Variants in PRKCE observed in about 807,000 individuals in gnomAD.
PRKCE encodes the protein protein kinase C epsilon.
In PRKCE, 16 loss-of-function variants were observed where a neutral mutation model predicts 85.4. That is an observed-to-expected ratio of 0.19 (90% confidence interval 0.13 to 0.28). PRKCE has a LOEUF of 0.28. Among genes scored for constraint, PRKCE ranks in the 10% least tolerant of loss-of-function variants. The pLI, the probability that PRKCE is intolerant of heterozygous loss-of-function variation, is 1.00. For synonymous variants in PRKCE, 388 were observed against 371.5 expected (o/e 1.04, Z -0.51); for missense variants, 573 against 975.2 (o/e 0.59, Z 5.49).
intron 11 of PRKCE, among the ~76,000 whole-genome samples, chr2:46,117,592 C>G (rs148317684): frequency 2.6e-5 from 4 of 152,152 alleles, no homozygotes; most frequent in Non-Finnish European, 5.9e-5. Context: ...GTCAGACACT[C>G]CTGGGATGGG....
intron 10 of PRKCE, among the ~76,000 whole-genome samples, chr2:46,023,654 C>G (rs1053520339): frequency 1.3e-5 from 2 of 152,182 alleles, no homozygotes; most frequent in African/African-American, 4.8e-5. Flanking sequence ...GGCCCTTTGT[C>G]TCCTTCCTGT....
intron 2 of PRKCE, among the ~76,000 whole-genome samples, chr2:45,896,216 A>G (rs1292163036): frequency 2.6e-5 from 4 of 152,136 alleles, no homozygotes; most frequent in African/African-American, 9.7e-5. Flanking sequence ...AAGGGAAGAA[A>G]TTTGAAAGGC....
At chr2:46,027,723 C>T (rs1040722794) in intron 10 of PRKCE, among the ~76,000 whole-genome samples, 3 of 152,224 alleles carry the variant, frequency 2.0e-5, no homozygotes, top group East Asian at 1.9e-4. Flanking sequence ...ACTAAAGTTT[C>T]GATTTTCCTG....
At chr2:45,825,311 G>A (rs1401802959) in intron 1 of PRKCE, among the ~76,000 whole-genome samples, 1 of 152,228 alleles carries the variant, frequency 6.6e-6, no homozygotes, top group Non-Finnish European at 1.5e-5. Context: ...AACAGGCCTG[G>A]GACTTGGGGG....
At chr2:46,109,243 T>G (rs1672025787) in intron 11 of PRKCE, among the ~76,000 whole-genome samples, 2 of 152,170 alleles carry the variant, frequency 1.3e-5, no homozygotes, top group South Asian at 4.1e-4. Context: ...TTCCTGGGAT[T>G]TGGATGGGTA....
intron 1 of PRKCE, among the ~76,000 whole-genome samples, chr2:45,700,208 A>G (rs1037972900): frequency 2.0e-5 from 3 of 151,664 alleles, no homozygotes; most frequent in African/African-American, 7.3e-5. Flanking sequence ...GTGAGAACAC[A>G]CCTGGGAGCA....
At chr2:46,171,203 G>T (rs995200416) in intron 14 of PRKCE, among the ~76,000 whole-genome samples, 6 of 152,298 alleles carry the variant, frequency 3.9e-5, no homozygotes, top group Middle Eastern at 3.4e-3. Context: ...GCAAGCCAGG[G>T]CAGGCAGGGT....
At chr2:45,733,354 G>A (rs1177832268) in intron 1 of PRKCE, among the ~76,000 whole-genome samples, 1 of 152,186 alleles carries the variant, frequency 6.6e-6, no homozygotes, top group Non-Finnish European at 1.5e-5. Flanking sequence ...CATGATTCGA[G>A]GAGCTTGGGA....
intron 14 of PRKCE, among the ~76,000 whole-genome samples, chr2:46,169,934 T>C (rs574279577): frequency 3.7e-4 from 56 of 152,216 alleles, no homozygotes; most frequent in Non-Finnish European, 6.5e-4. Flanking sequence ...TTACTGTCTG[T>C]GAGATGCTGA....
chr2:46,156,405 C>T (rs1177092839), intron 13 of PRKCE, among the ~76,000 whole-genome samples: 2 of 152,230 alleles, frequency 1.3e-5, no homozygotes, highest in African/African-American at 4.8e-5. Flanking sequence ...GATTCTCTGG[C>T]AGTTACGTGT....
intron 1 of PRKCE, among the ~76,000 whole-genome samples, chr2:45,699,572 T>C (rs1174870518): frequency 6.6e-6 from 1 of 152,192 alleles, no homozygotes; most frequent in Non-Finnish European, 1.5e-5. Context: ...CCCCATGCTG[T>C]GTGGGTCACT....
intron 14 of PRKCE, among the ~76,000 whole-genome samples, chr2:46,173,863 A>T (rs1426702076): frequency 6.6e-6 from 1 of 152,232 alleles, no homozygotes; most frequent in Non-Finnish European, 1.5e-5. Context: ...CTGTTAGCTA[A>T]TACCTGAAGT....
At chr2:45,671,132 G>A (rs766005122) in intron 1 of PRKCE, among the ~76,000 whole-genome samples, 3 of 152,148 alleles carry the variant, frequency 2.0e-5, no homozygotes, top group South Asian at 2.1e-4. Flanking sequence ...AGGTGTTTGC[G>A]GCCTTACCCC....
chr2:46,155,597 T>G lies in PRKCE; in HGVS notation c.1921-4009T>G, dbSNP rs886677250. On this transcript the variant is annotated intron_variant, in intron 13 of 14. Coordinates refer to ENST00000306156, the MANE Select transcript of PRKCE (RefSeq NM_005400.3). This position sits in a 1 kb window ranked among gnomAD's most constrained non-coding sequence, Gnocchi z 4.7. ...TTCAGCTGGCCAGGGGTCCCTCACA[T>G]TCAGTATACTCCCAAACAGCTCTGG... 6.6e-6 allele frequency among the ~76,000 whole-genome samples: 1 copy of G among 152,140 alleles called. No individual in the cohort carries two copies. Among genetic ancestry groups the G allele is most frequent in the Non-Finnish European group, 1.5e-5 (1 of 68,020 alleles).
intron 10 of PRKCE, among the ~76,000 whole-genome samples, chr2:46,080,969 GCA>G (rs1173171740): frequency 3.7e-4 from 30 of 80,350 alleles, no homozygotes; most frequent in African/African-American, 2.2e-3. Flanking sequence ...TTGCAGTTAT[GCA>G]TACACACACA....
chr2:45,651,317 T>G (rs867154067), upstream of PRKCE: 3 of 150,210 alleles, frequency 2.0e-5, no homozygotes, highest in African/African-American at 7.3e-5. Flanking sequence ...CACCGCCCGG[T>G]GCTGGCCTGC....
rs187035117 is a variant in PRKCE, at chr2:45,996,261, C to T, written c.824-5143C>T. Among the ~76,000 whole-genome samples, 328 of 152,060 alleles carry T rather than the reference C, an allele frequency of 2.2e-3. 1 individual carries two copies. The highest frequency in any genetic ancestry group is 0.01 in the Middle Eastern group (3 of 292). ...TGGTTCCAGGAGTTTTTTGTTGATT[C>T]TTTTGGATTTTCTACATGGACAATC... is the stretch of plus-strand genomic sequence containing the variant. On this transcript the variant is annotated intron_variant, in intron 6 of 14. Transcript: ENST00000306156.
intron 1 of PRKCE, among the ~76,000 whole-genome samples, chr2:45,737,511 C>T (rs948868626): frequency 1.3e-5 from 2 of 152,180 alleles, no homozygotes; most frequent in Non-Finnish European, 2.9e-5. Flanking sequence ...TTGCCAACGG[C>T]CCGGGGCTCC....
intron 5 of PRKCE, among the ~76,000 whole-genome samples, chr2:45,983,232 G>T (rs1376825814): frequency 6.6e-6 from 1 of 152,168 alleles, no homozygotes; most frequent in Non-Finnish European, 1.5e-5. Context: ...TTGTCTTCAT[G>T]CTTGCGTTCA....
Sources: gnomAD v4.1 joint callset for allele counts (sites outside exome capture counted in the v4.1 genomes callset) on GRCh38, gnomAD v4.1.1 for gene constraint, Gnocchi (gnomAD v3.1) non-coding constraint, MANE v1.5 for transcripts, NCBI Gene and HGNC (gene_info 2026-07-23, HGNC 2026-07-21) for gene names.